Variants in TIAM1 observed in about 807,000 individuals in gnomAD.
TIAM1 encodes rho guanine nucleotide exchange factor TIAM1.
TIAM1 carries 65 observed loss-of-function variants against 163.5 expected under a neutral mutation model. That is an observed-to-expected ratio of 0.40 (90% CI 0.33 to 0.49). The LOEUF (loss-of-function observed/expected upper bound fraction) is 0.49. Ranked by LOEUF, TIAM1 falls within the 20% of genes least tolerant of loss-of-function variation. The pLI is 0.77. For synonymous variants in TIAM1, 833 were observed against 810.1 expected (o/e 1.03, Z -0.48); for missense variants, 1,789 against 2,044.7 (o/e 0.87, Z 2.41).
intron 20 of TIAM1, among the ~76,000 whole-genome samples, chr21:31,142,941 G>A (rs1488978243): frequency 6.6e-6 from 1 of 152,312 alleles, no homozygotes; most frequent in East Asian, 1.9e-4. Context: ...CGAAGCCGTG[G>A]CTAATGTCTT....
At chr21:31,260,379 A>G (rs1182156168) in intron 4 of TIAM1, among the ~76,000 whole-genome samples, 7 of 151,706 alleles carry the variant, frequency 4.6e-5, no homozygotes, top group African/African-American at 1.7e-4. Flanking sequence ...TTGGGATTAC[A>G]GGCACCCGCC....
At chr21:31,155,932 T>C (rs2007261) in intron 16 of TIAM1, among the ~76,000 whole-genome samples, 144,827 of 152,350 alleles carry the variant, frequency 0.95, 68,902 homozygotes, top group East Asian at 1. Context: ...TCTTCTATCA[T>C]CCACCTACCT....
chr21:31,494,480 T>G (rs2046575769), intron 1 of TIAM1, among the ~76,000 whole-genome samples: 1 of 152,156 alleles, frequency 6.6e-6, no homozygotes. Context: ...GAATACCTTA[T>G]CAGCTTGATA....
At position 31,339,123 on chromosome 21, in the gene TIAM1, C is replaced by T. The variant is rs141492338; in HGVS notation, c.-189+120G>A. On this transcript the variant is annotated intron_variant, in intron 2 of 27. Coordinates refer to ENST00000541036, the MANE Select transcript of TIAM1 (RefSeq NM_001353694.2). ...GCAACCCTTTAACCACCAAAACAAT[C>T]GTCACAAACAATGAACTTTCTATTG... The T allele has an allele frequency of 2.6e-5, 10 of 384,542 alleles. No homozygotes were observed. In the East Asian group the frequency reaches 3.0e-4, roughly 11 times the overall value. The allele number at this position is 384,542 out of a possible 1,614,324, so 23.8% of individuals were successfully genotyped here.
intron 12 of TIAM1, among the ~76,000 whole-genome samples, chr21:31,199,937 T>TAAATA (rs1464663090): frequency 6.8e-6 from 1 of 147,682 alleles, no homozygotes; most frequent in Non-Finnish European, 1.5e-5. Context: ...ACACAAAAAA[T>TAAATA]AAATAAAATA....
chr21:31,456,357 G>T (rs1185609254), intron 2 of TIAM1, among the ~76,000 whole-genome samples: 1 of 152,218 alleles, frequency 6.6e-6, no homozygotes, highest in South Asian at 2.1e-4. Flanking sequence ...CGGAACCCAG[G>T]ACCAGGTGCG....
At chr21:31,465,412 T>C (rs994270574) in intron 1 of TIAM1, among the ~76,000 whole-genome samples, 2 of 151,482 alleles carry the variant, frequency 1.3e-5, no homozygotes, top group African/African-American at 4.9e-5. Flanking sequence ...TATATTCTCT[T>C]AATAAGGGAG....
At chr21:31,149,059 T>A (rs1221972844) in intron 19 of TIAM1, among the ~76,000 whole-genome samples, 1 of 151,670 alleles carries the variant, frequency 6.6e-6, no homozygotes, top group Non-Finnish European at 1.5e-5. Flanking sequence ...GGAAACCAAC[T>A]CAGAGAGCCT....
intron 2 of TIAM1, among the ~76,000 whole-genome samples, chr21:31,360,950 T>C (rs1353189156): frequency 2.0e-5 from 3 of 152,084 alleles, no homozygotes; most frequent in Non-Finnish European, 2.9e-5. Context: ...CTTATCCTAC[T>C]AGGGAGAGTG....
chr21:31,451,820 G>C (rs1177432074), intron 2 of TIAM1, among the ~76,000 whole-genome samples: 8 of 151,828 alleles, frequency 5.3e-5, no homozygotes, highest in African/African-American at 1.7e-4. Flanking sequence ...ACAAAAACTA[G>C]TGTTTAGGAA....
intron 2 of TIAM1, among the ~76,000 whole-genome samples, chr21:31,368,855 C>G (rs553559326): frequency 6.6e-6 from 1 of 152,202 alleles, no homozygotes; most frequent in African/African-American, 2.4e-5. Flanking sequence ...TTGAACAAAT[C>G]TATAATAATG....
Position 31,266,683 on chromosome 21 carries a change from C to A in TIAM1, c.290G>T (p.Gly97Val). ...GTCAGTGTAAGACACAGGTCTCAAG[C>A]CCATGTCCACTCGGTCCACCCAGAT... ...SPIWVDRVDM[G>V]LRPVSYTDSS... is the part of the protein sequence containing the mutation. Residue 97 changes from glycine (G) to valine (V), a missense_variant, in exon 4 of 28, where the codon GGC becomes GTC. Coordinates refer to ENST00000541036, the MANE Select transcript of TIAM1 (RefSeq NM_001353694.2). 1 of 1,614,188 alleles carries A rather than the reference C, an allele frequency of 6.2e-7. No individual in the cohort carries two copies. The highest frequency in any genetic ancestry group is 8.5e-7 in the Non-Finnish European group (1 of 1,180,044).
intron 2 of TIAM1, among the ~76,000 whole-genome samples, chr21:31,424,236 T>C (rs2043701675): frequency 6.6e-6 from 1 of 152,234 alleles, no homozygotes; most frequent in East Asian, 1.9e-4. Flanking sequence ...TGTGAACATC[T>C]GGTCTGAGCT....
At chr21:31,404,996 C>T in intron 2 of TIAM1, among the ~76,000 whole-genome samples, 1 of 152,028 alleles carries the variant, frequency 6.6e-6, no homozygotes, top group Admixed American at 6.6e-5. Context: ...AATCTCAGCA[C>T]TTTGGGAGGC....
At chr21:31,134,292 C>T (rs976657980) in intron 23 of TIAM1, among the ~76,000 whole-genome samples, 1 of 152,100 alleles carries the variant, frequency 6.6e-6, no homozygotes, top group Non-Finnish European at 1.5e-5. Flanking sequence ...TCCTGCATCC[C>T]ATGAATGACC....
Position 31,221,323 on chromosome 21 carries a change from T to C in TIAM1, c.1995+2083A>G, listed in dbSNP as rs369313886. On this transcript the variant is annotated intron_variant, in intron 8 of 27. Coordinates refer to ENST00000541036, the MANE Select transcript of TIAM1 (RefSeq NM_001353694.2). ...GAACATATTGAAACACCCAGACTTGTATCACTGACAAAGCGAGCAAAAACC... is the reference window on the plus strand; with the variant it reads ...GAACATATTGAAACACCCAGACTTGCATCACTGACAAAGCGAGCAAAAACC... 6.4e-4 allele frequency among the ~76,000 whole-genome samples: 98 copies of C among 152,316 alleles called. 2 individuals are homozygous for C. The South Asian group carries it at 0.01, about 16-fold the overall frequency.
intron 1 of TIAM1, among the ~76,000 whole-genome samples, chr21:31,466,093 C>G (rs2147361171): frequency 6.6e-6 from 1 of 152,238 alleles, no homozygotes; most frequent in Admixed American, 6.5e-5. Context: ...TGGGTCATGT[C>G]AAAGCAAAAA....
intron 1 of TIAM1, among the ~76,000 whole-genome samples, chr21:31,343,594 G>A (rs1288120397): frequency 6.6e-6 from 1 of 152,068 alleles, no homozygotes; most frequent in Non-Finnish European, 1.5e-5. Context: ...GACTTCCGAC[G>A]TCCCACTCCA....
rs949647821 is a variant in TIAM1, at chr21:31,482,133, AT to A, written c.-421-18099del. Among the ~76,000 whole-genome samples, 9 of 141,368 alleles carry A rather than the reference AT, an allele frequency of 6.4e-5. 1 individual carries two copies. The South Asian group carries it at 9.1e-4, about 14-fold the overall frequency. The allele number at this position is 141,368 out of a possible 152,430, so 92.7% of individuals were successfully genotyped here. On this transcript the variant is annotated intron_variant, in intron 1 of 28. Coordinates refer to the TIAM1 transcript ENST00000286827. ...TATACACACATATATATTTATATAC[AT>A]TTTTTTTCTTACCATAACAAACATC... is the stretch of plus-strand genomic sequence containing the variant.
Sources: allele counts gnomAD v4.1 joint callset (sites outside exome capture counted in the v4.1 genomes callset), GRCh38; gene constraint gnomAD v4.1.1; transcripts MANE v1.5; gene names NCBI Gene and HGNC (gene_info 2026-07-23, HGNC 2026-07-21).